Variants in MMD2 observed in about 807,000 individuals in gnomAD.
The protein encoded by MMD2 is monocyte to macrophage differentiation associated 2.
In MMD2, 30 loss-of-function variants were observed where a neutral mutation model predicts 33.5. The ratio of observed to expected loss-of-function variants is 0.90; its 90% CI spans 0.67 to 1.22. The LOEUF is 1.22. MMD2 is among the 50% of genes most tolerant of loss of function. The pLI, the probability that MMD2 is intolerant of heterozygous loss-of-function variation, is 0.00. For missense variants in MMD2, 364 were observed against 325.4 expected, an observed-to-expected ratio of 1.12 and a Z score of -0.91; for synonymous variants, 129 against 123.0, an observed-to-expected ratio of 1.05 and a Z score of -0.32.
intron 1 of MMD2, among the ~76,000 whole-genome samples, chr7:4,938,003 T>TTTTTTTTTTTC (rs1785794721): frequency 1.3e-4 from 2 of 15,300 alleles, no homozygotes; most frequent in African/African-American, 2.6e-4. Flanking sequence ...TCTTTCTTTC[T>TTTTTTTTTTTC]TTTTTTTTTT....
intron 1 of MMD2, among the ~76,000 whole-genome samples, chr7:4,951,906 T>C (rs1027795308): frequency 2.6e-5 from 4 of 152,172 alleles, no homozygotes. Context: ...AGCTAATTTT[T>C]TGCCTTTTTT....
At chr7:4,913,896 C>T (rs1223748891) in intron 4 of MMD2, among the ~76,000 whole-genome samples, 2 of 152,036 alleles carry the variant, frequency 1.3e-5, no homozygotes, top group Non-Finnish European at 2.9e-5. Flanking sequence ...CTCCTGACCT[C>T]ATGATCTGCC....
intron 6 of MMD2, 134 bp downstream of exon 6, chr7:4,909,747 A>T: frequency 8.1e-7 from 1 of 1,229,486 alleles, no homozygotes; most frequent in Non-Finnish European, 1.2e-6. Context: ...CTGCCTCTTT[A>T]GACAAGTCAT....
At chr7:4,951,121 A>C (rs1786231241) in intron 1 of MMD2, among the ~76,000 whole-genome samples, 1 of 152,116 alleles carries the variant, frequency 6.6e-6, no homozygotes, top group African/African-American at 2.4e-5. Context: ...GGTGAAGGGC[A>C]GCCCCAACCC....
chr7:4,925,585 C>T (rs938924310), intron 1 of MMD2, 53 bp from the exon 2 acceptor site: 12 of 1,416,766 alleles, frequency 8.5e-6, no homozygotes, highest in East Asian at 5.1e-5. Flanking sequence ...AGGTGCCATC[C>T]GAATTCCCAG....
chr7:4,896,466 C>T, the MMD2 span, among the ~76,000 whole-genome samples: 4 of 152,212 alleles, frequency 2.6e-5, no homozygotes, highest in East Asian at 1.9e-4. Flanking sequence ...GGTGACAGAG[C>T]GAGACTCTGT....
chr7:4,895,681 C>T, the MMD2 span, among the ~76,000 whole-genome samples: 42 of 152,064 alleles, frequency 2.8e-4, no homozygotes, highest in Non-Finnish European at 5.6e-4. Context: ...GGATAATAGG[C>T]GCGCACCACC....
chr7:4,930,352 A>C (rs890942585), intron 1 of MMD2, among the ~76,000 whole-genome samples: 1 of 142,642 alleles, frequency 7.0e-6, no homozygotes, highest in Non-Finnish European at 1.5e-5. Context: ...CTAAAAAGAC[A>C]AAACAGGCCG....
At chr7:4,895,055 C>A in the MMD2 span, among the ~76,000 whole-genome samples, 1 of 151,022 alleles carries the variant, frequency 6.6e-6, no homozygotes, top group Non-Finnish European at 1.5e-5. Context: ...CTTGCATCCC[C>A]GACTGCTTGC....
At chr7:4,939,833 C>CGA (rs1255691472) in intron 1 of MMD2, among the ~76,000 whole-genome samples, 1 of 151,728 alleles carries the variant, frequency 6.6e-6, no homozygotes, top group African/African-American at 2.4e-5. Context: ...CTCTGCCTTC[C>CGA]AGGTTCAAGC....
chr7:4,925,448 C>G lies in MMD2; in HGVS notation c.129+3G>C, dbSNP rs897079010. On this transcript the variant is annotated splice_donor_region_variant and intron_variant, in intron 2 of 6. Transcript: ENST00000401401. ...GCCCTGAGCCCCCCAAAAGCCAACT[C>G]ACAGCATGGGTGGCACAGTTGGCCG... is the stretch of plus-strand genomic sequence containing the variant. The G allele has an allele frequency of 1.3e-6, 2 of 1,537,696 alleles. No individual in the cohort carries two copies. The highest frequency in any genetic ancestry group is 1.8e-6 in the Non-Finnish European group (2 of 1,138,354).
At chr7:4,913,882 C>T (rs999338473) in intron 4 of MMD2, among the ~76,000 whole-genome samples, 7 of 151,954 alleles carry the variant, frequency 4.6e-5, no homozygotes, top group Middle Eastern at 3.2e-3. Context: ...AGGATGGTCT[C>T]GATCTCCTGA....
chr7:4,944,713 C>G lies in MMD2; in HGVS notation c.47+14258G>C, dbSNP rs112975031. Among the ~76,000 whole-genome samples the G allele has an allele frequency of 1.4e-3, 215 of 151,754 alleles. 2 individuals carry two copies. Among genetic ancestry groups the G allele is most frequent in the African/African-American group, 4.8e-3 (198 of 41,422 alleles). On this transcript the variant is annotated intron_variant, in intron 1 of 6. Transcript: ENST00000401401. ...CTTCTGGTCTTTTCAGTCCTGAACA[C>G]CAACAAATTCCTTTTTTTCTTTTTT...
chr7:4,943,011 T>TC (rs1201772343), intron 1 of MMD2, among the ~76,000 whole-genome samples: 1 of 139,212 alleles, frequency 7.2e-6, no homozygotes, highest in African/African-American at 2.7e-5. Context: ...TTTCTTTTTT[T>TC]TTTTTTTTTT....
In MMD2 at chr7:4,941,250, C is replaced by G. The variant is rs1785900493; in HGVS notation, c.48-15718G>C. Among the ~76,000 whole-genome samples, 4 of 152,346 alleles carry G rather than the reference C, an allele frequency of 2.6e-5. No homozygotes were observed. In the South Asian group the frequency reaches 8.3e-4, roughly 32 times the overall value. On this transcript the variant is annotated intron_variant, in intron 1 of 6. Coordinates refer to ENST00000401401, the MANE Select transcript of MMD2 (RefSeq NM_198403.4). ...TCTCCCAGAGATTCCTGTGACATCA[C>G]CAGCAGCCAATCAGAGTGTCCCAGG...
rs201737285 is a variant in MMD2, at chr7:4,916,051, C to A, written c.319G>T (p.Asp107Tyr). The A allele has an allele frequency of 4.1e-5, 66 of 1,613,824 alleles. No homozygotes were observed. The highest frequency in any genetic ancestry group is 5.5e-5 in the Non-Finnish European group (65 of 1,179,854). ...ATGAAGAAATAGATGACCATCCGGT[C>A]GAACATGTGTAGACAGTGTTCCACC... ...RMVEHCLHMF[D>Y]RMVIYFFIAA... Residue 107 changes from aspartate (D) to tyrosine (Y), a missense_variant, in exon 4 of 7, where the codon GAC becomes TAC. Coordinates refer to ENST00000401401, the MANE Select transcript of MMD2 (RefSeq NM_198403.4).
At chr7:4,952,894 C>T (rs1372237031) in intron 1 of MMD2, among the ~76,000 whole-genome samples, 2 of 152,012 alleles carry the variant, frequency 1.3e-5, no homozygotes, top group African/African-American at 4.8e-5. Flanking sequence ...GTTCACCACG[C>T]TGGCCAGGCT....
At chr7:4,942,235 G>A (rs1362979616) in intron 1 of MMD2, among the ~76,000 whole-genome samples, 1 of 151,724 alleles carries the variant, frequency 6.6e-6, no homozygotes, top group Non-Finnish European at 1.5e-5. Context: ...TTACAGGCAT[G>A]AGCCACCATG....
At chr7:4,895,155 G>T in the MMD2 span, among the ~76,000 whole-genome samples, 2 of 150,504 alleles carry the variant, frequency 1.3e-5, no homozygotes, top group Non-Finnish European at 2.9e-5. Flanking sequence ...TCGGCTCACT[G>T]CAACCTCCGC....
Sources: allele counts gnomAD v4.1 joint callset (sites outside exome capture counted in the v4.1 genomes callset), GRCh38; gene constraint gnomAD v4.1.1; transcripts MANE v1.5; gene names NCBI Gene and HGNC (gene_info 2026-07-23, HGNC 2026-07-21).